The following RMI1 variants were observed in gnomAD, a reference collection of about 807,000 sequenced individuals.
RMI1 encodes RecQ mediated genome instability 1.
RMI1 carries 36 observed loss-of-function variants against 46.7 expected under a neutral mutation model. That is an observed-to-expected ratio of 0.77 (90% CI 0.59 to 1.02). The LOEUF (loss-of-function observed/expected upper bound fraction) is 1.02. Ranked by LOEUF, RMI1 falls within the 50% of genes least tolerant of loss-of-function variation. The pLI is 0.00. For synonymous variants in RMI1, 250 were observed against 252.9 expected (o/e 0.99, Z 0.11); for missense variants, 676 against 713.7 (o/e 0.95, Z 0.60).
intron 2 of RMI1, 68 bp from the exon 3 acceptor site, chr9:84,000,883 G>A: frequency 1.2e-6 from 1 of 807,592 alleles, no homozygotes; most frequent in Non-Finnish European, 1.9e-6. Context: ...TCTGTGCATT[G>A]TAGAGAATTA....
intron 1 of RMI1, among the ~76,000 whole-genome samples, chr9:83,990,560 C>T (rs1957556983): frequency 6.6e-6 from 1 of 150,864 alleles, no homozygotes; most frequent in Non-Finnish European, 1.5e-5. Flanking sequence ...GATAGCACTG[C>T]ATTGTGGCTA....
In RMI1 at chr9:84,001,345, C is replaced by T; in HGVS notation, c.359C>T (p.Ala120Val). ...NTTNDLVTAEAQVTPKPWEAK... is the reference protein window; with the variant it reads ...NTTNDLVTAEVQVTPKPWEAK... Reference sequence around the variant, plus strand: ...ACAAATGATCTAGTTACAGCTGAAGCACAAGTAACCCCAAAACCTTGGGAA... The same window carrying T: ...ACAAATGATCTAGTTACAGCTGAAGTACAAGTAACCCCAAAACCTTGGGAA... The change falls in exon 3 of 3, where the codon GCA becomes GTA. Residue 120 changes from alanine (A) to valine (V), a missense_variant. Coordinates refer to ENST00000445877, the MANE Select transcript of RMI1 (RefSeq NM_001358291.2). 3 of 1,614,110 alleles carry T rather than the reference C, an allele frequency of 1.9e-6. No homozygotes were observed. The highest frequency in any genetic ancestry group is 2.5e-6 in the Non-Finnish European group (3 of 1,179,986).
chr9:83,994,695 G>A (rs1303804571), intron 1 of RMI1, among the ~76,000 whole-genome samples: 1 of 151,934 alleles, frequency 6.6e-6, no homozygotes, highest in Non-Finnish European at 1.5e-5. Flanking sequence ...ATTTTTGTAT[G>A]TTTTGTAGAG....
chr9:83,997,108 C>CTTTTTTT (rs35796088), intron 1 of RMI1, among the ~76,000 whole-genome samples: 1 of 60,314 alleles, frequency 1.7e-5, no homozygotes, highest in African/African-American at 7.0e-5. Context: ...ACACCCCCCC[C>CTTTTTTT]TTTTTTTTTT....
intron 2 of RMI1, among the ~76,000 whole-genome samples, chr9:84,000,092 A>G (rs1384240987): frequency 6.6e-6 from 1 of 152,230 alleles, no homozygotes; most frequent in Non-Finnish European, 1.5e-5. Context: ...CTAAATGGAC[A>G]GACACAGTGG....
intron 1 of RMI1, among the ~76,000 whole-genome samples, chr9:83,994,879 T>C (rs1957627169): frequency 6.6e-6 from 1 of 152,210 alleles, no homozygotes; most frequent in African/African-American, 2.4e-5. Context: ...TACTTTTCTT[T>C]ATCCTTAATG....
At chr9:83,995,247 C>G (rs1041347756) in intron 1 of RMI1, among the ~76,000 whole-genome samples, 2 of 152,076 alleles carry the variant, frequency 1.3e-5, no homozygotes, top group African/African-American at 2.4e-5. Context: ...GATCCACCTG[C>G]CTTGGCCTCC....
intron 1 of RMI1, among the ~76,000 whole-genome samples, chr9:83,995,304 A>G (rs1415552608): frequency 1.3e-5 from 2 of 151,550 alleles, no homozygotes; most frequent in South Asian, 2.1e-4. Context: ...GGCCTCAACC[A>G]TTACTTTTTA....
chr9:83,992,264 T>G (rs1957586033), intron 1 of RMI1, among the ~76,000 whole-genome samples: 1 of 152,214 alleles, frequency 6.6e-6, no homozygotes. Flanking sequence ...ATTTGAAGGT[T>G]TAAAGACACC....
chr9:83,990,252 C>T (rs981856680), intron 1 of RMI1, among the ~76,000 whole-genome samples: 2 of 152,214 alleles, frequency 1.3e-5, no homozygotes, highest in African/African-American at 2.4e-5. Context: ...CGCAGTGGCT[C>T]ATGCCTGTAA....
chr9:84,000,863 G>C, intron 2 of RMI1, 88 bp from the exon 3 acceptor site: 5 of 664,690 alleles, frequency 7.5e-6, no homozygotes, highest in Admixed American at 2.8e-5. Context: ...AAATCTAAAG[G>C]GTGTGCCTGT....
chr9:83,996,752 T>C (rs1408898957), intron 1 of RMI1, among the ~76,000 whole-genome samples: 1 of 152,154 alleles, frequency 6.6e-6, no homozygotes, highest in African/African-American at 2.4e-5. Flanking sequence ...CTTATGGTTC[T>C]GCAGGCTGTA....
At chr9:83,981,819 T>C (rs1256024675) in intron 1 of RMI1, among the ~76,000 whole-genome samples, 1 of 152,204 alleles carries the variant, frequency 6.6e-6, no homozygotes, top group South Asian at 2.1e-4. Flanking sequence ...CAGCATTCTT[T>C]TAAATGGCCA....
chr9:84,002,814 G>A lies in RMI1; in HGVS notation c.1828G>A (p.Asp610Asn), dbSNP rs1400429783. The change falls in exon 3 of 3, where the codon GAT becomes AAT. Residue 610 changes from aspartate to asparagine, a missense_variant. Physicochemically the swap from Asp to Asn is conservative, Grantham distance 23. Transcript: ENST00000445877. ...TAAAGCAATGGTACTGGCATTACAA[G>A]ATGTTAATATGGAACACCTTGAGAA... The part of the protein sequence containing the change: ...LSKAMVLALQ[D>N]VNMEHLENLK... 5.6e-6 allele frequency: 9 copies of A among 1,599,628 alleles called. No individual in the cohort carries two copies. The African/African-American group carries it at 1.2e-4, about 21-fold the overall frequency.
chr9:83,987,130 C>T (rs1238044364), intron 1 of RMI1, among the ~76,000 whole-genome samples: 1 of 152,132 alleles, frequency 6.6e-6, no homozygotes, highest in African/African-American at 2.4e-5. Flanking sequence ...GTGGGAAACC[C>T]TTGGCTCACT....
At position 84,000,554 on chromosome 9, in the gene RMI1, A is replaced by G. The variant is rs79691799; in HGVS notation, c.-36-397A>G. On this transcript the variant is annotated intron_variant, in intron 2 of 2. Coordinates refer to ENST00000445877, the MANE Select transcript of RMI1 (RefSeq NM_001358291.2). ...GGAGCATATTCCCCATAGATAAGGGAGGCTAATGTAACTACTGTTTACTGA... is the reference window on the plus strand; with the variant it reads ...GGAGCATATTCCCCATAGATAAGGGGGGCTAATGTAACTACTGTTTACTGA... Among the ~76,000 whole-genome samples the G allele has an allele frequency of 8.9e-3, 1,353 of 152,326 alleles. 23 individuals carry two copies. Among genetic ancestry groups the G allele is most frequent in the African/African-American group, 0.031 (1,275 of 41,564 alleles).
chr9:83,981,337 C>T (rs925296571), intron 1 of RMI1, among the ~76,000 whole-genome samples: 1 of 152,234 alleles, frequency 6.6e-6, no homozygotes, highest in African/African-American at 2.4e-5. Flanking sequence ...TTGCCCTTGT[C>T]TCCTAAAATG....
At chr9:83,982,350 CA>C (rs1957424846) in intron 1 of RMI1, among the ~76,000 whole-genome samples, 1 of 152,130 alleles carries the variant, frequency 6.6e-6, no homozygotes, top group Admixed American at 6.5e-5. Context: ...GTGGGAATCA[CA>C]AGTAAGCAGC....
Position 84,001,768 on chromosome 9 carries a change from A to C in RMI1, c.782A>C (p.Asn261Thr), listed in dbSNP as rs776642690. 13 of 1,613,946 alleles carry C rather than the reference A, an allele frequency of 8.1e-6. 1 individual carries two copies. In the South Asian group the frequency reaches 1.4e-4, roughly 18 times the overall value. The change falls in exon 3 of 3, where the codon AAT becomes ACT. Residue 261 changes from asparagine to threonine, a missense_variant. Physicochemically the swap from Asn to Thr is moderately conservative, Grantham distance 65. Transcript: ENST00000445877. ...GAAAATGATGAGCTTACAGCAAATA[A>C]TGACACTTCCTCAGAACGATGTTTC... ...LDENDELTANNDTSSERCFTT... is the reference protein window; with the variant it reads ...LDENDELTANTDTSSERCFTT...
Sources: allele counts gnomAD v4.1 joint callset (sites outside exome capture counted in the v4.1 genomes callset), GRCh38; gene constraint gnomAD v4.1.1; transcripts MANE v1.5; gene names NCBI Gene and HGNC (gene_info 2026-07-23, HGNC 2026-07-21).